CUX1: variants seen among roughly 807,000 people sequenced by gnomAD.
The protein encoded by CUX1 is cut like homeobox 1.
CUX1 carries 31 observed loss-of-function variants against 158.8 expected under a neutral mutation model. The ratio of observed to expected loss-of-function variants is 0.20; its 90% confidence interval spans 0.15 to 0.26. The LOEUF (loss-of-function observed/expected upper bound fraction) is 0.26. Ranked by LOEUF, CUX1 falls within the 10% of genes least tolerant of loss-of-function variation. The pLI is 1.00. For missense variants in CUX1, 1,589 were observed against 2,014.6 expected, an observed-to-expected ratio of 0.79 and a Z score of 4.04; for synonymous variants, 879 against 862.1, an observed-to-expected ratio of 1.02 and a Z score of -0.34.
At chr7:102,106,922 C>G (rs1395116822) in intron 6 of CUX1, among the ~76,000 whole-genome samples, 1 of 152,220 alleles carries the variant, frequency 6.6e-6, no homozygotes, top group South Asian at 2.1e-4. Flanking sequence ...TGCCATTAAG[C>G]TGACTTCATT....
intron 15 of CUX1, 122 bp downstream of exon 15, chr7:102,197,427 GTTCT>G: frequency 8.2e-7 from 1 of 1,219,758 alleles, no homozygotes; most frequent in Non-Finnish European, 1.2e-6. Context: ...ATCAGGTAAA[GTTCT>G]CTTTGCTTCT....
chr7:102,169,364 C>G (rs1220838736), intron 9 of CUX1, among the ~76,000 whole-genome samples: 1 of 152,208 alleles, frequency 6.6e-6, no homozygotes, highest in Non-Finnish European at 1.5e-5. Flanking sequence ...CCACCATGCC[C>G]AGCCTTTGGC....
intron 2 of CUX1, among the ~76,000 whole-genome samples, chr7:101,947,096 C>G (rs1808473608): frequency 6.6e-6 from 1 of 152,094 alleles, no homozygotes; most frequent in African/African-American, 2.4e-5. Flanking sequence ...TGAGTAACTT[C>G]ATTGTAAAAT....
rs1804168189 is a variant in CUX1, at chr7:101,916,116, G to C, written c.32G>C (p.Arg11Thr). The change falls in exon 2 of 24, where the codon AGA becomes ACA. Residue 11 changes from arginine to threonine, a missense_variant and splice_region_variant. Arg to Thr is a moderately conservative substitution (Grantham distance 71). Around this residue, in one of 8 missense-constraint regions of CUX1, gnomAD observed 63 missense variants for 109.2 expected, o/e 0.58. Transcript: ENST00000292535. The surrounding 1 kb of genome is among the most constrained non-coding windows in gnomAD (Gnocchi z 4.4). ...TTTCCTTTCCTGTTTCCCCAACAGA[G>C]AGAACTCGATGCCACCGCAACGGTA... MLCVAGARLK[R>T]ELDATATVLA... 1.2e-6 allele frequency: 2 copies of C among 1,609,720 alleles called. No individual in the cohort carries two copies. The highest frequency in any genetic ancestry group is 2.7e-5 in the African/African-American group (2 of 74,780).
intron 1 of CUX1, among the ~76,000 whole-genome samples, chr7:101,851,069 C>G (rs1796219415): frequency 6.6e-6 from 1 of 152,044 alleles, no homozygotes; most frequent in African/African-American, 2.4e-5. Flanking sequence ...TGACCACACC[C>G]CTGTACTCCA....
At chr7:102,041,268 T>TC (rs1822053418) in intron 3 of CUX1, among the ~76,000 whole-genome samples, 1 of 133,938 alleles carries the variant, frequency 7.5e-6, no homozygotes, top group Admixed American at 7.6e-5. Context: ...TTTTTTTTTT[T>TC]TTTTTTTTTT....
intron 8 of CUX1, chr7:102,125,678 A>C (rs1585795719): frequency 6.6e-6 from 1 of 150,406 alleles, no homozygotes; most frequent in African/African-American, 2.4e-5. Context: ...CTGGGTGACA[A>C]GAGCAAAACT....
At chr7:101,899,616 C>T (rs1265546839) in intron 1 of CUX1, among the ~76,000 whole-genome samples, 2 of 152,144 alleles carry the variant, frequency 1.3e-5, no homozygotes, top group South Asian at 2.1e-4. Context: ...AGAGAGATGT[C>T]CTTCCTGGGC....
At chr7:101,945,291 G>A (rs1218309141) in intron 2 of CUX1, among the ~76,000 whole-genome samples, 1 of 152,114 alleles carries the variant, frequency 6.6e-6, no homozygotes, top group Non-Finnish European at 1.5e-5. Context: ...CACCTCCACT[G>A]TCATTTAGAC....
At chr7:102,230,231 T>G (rs1798811432) in intron 21 of CUX1, among the ~76,000 whole-genome samples, 1 of 151,946 alleles carries the variant, frequency 6.6e-6, no homozygotes, top group Admixed American at 6.6e-5. Context: ...ACCCTAGCAC[T>G]TTGGGAGGCT....
At chr7:101,887,731 A>G (rs141356223) in intron 1 of CUX1, among the ~76,000 whole-genome samples, 109 of 152,246 alleles carry the variant, frequency 7.2e-4, no homozygotes, top group African/African-American at 2.6e-3. Context: ...ACCCACAGCT[A>G]AGTCAGTAAA....
At chr7:101,872,644 A>G (rs1409899869) in intron 1 of CUX1, among the ~76,000 whole-genome samples, 3 of 152,050 alleles carry the variant, frequency 2.0e-5, no homozygotes, top group Admixed American at 6.5e-5. Flanking sequence ...TATTACGAAA[A>G]AATAAAGCCA....
At chr7:101,957,114 T>C (rs1050085498) in intron 2 of CUX1, among the ~76,000 whole-genome samples, 4 of 152,214 alleles carry the variant, frequency 2.6e-5, no homozygotes, top group Non-Finnish European at 4.4e-5. Context: ...GTAACTGATA[T>C]TGTTTCCCAA....
At chr7:102,277,938 TCC>T in intron 17 of CUX1, 1 of 410,402 alleles carries the variant, frequency 2.4e-6, no homozygotes, top group Non-Finnish European at 3.7e-6. Flanking sequence ...TCCTTGCCCC[TCC>T]CCCCCCAGGA....
intron 16 of CUX1, chr7:102,275,101 C>T: frequency 1.6e-6 from 1 of 617,430 alleles, no homozygotes; most frequent in Non-Finnish European, 2.8e-6. Flanking sequence ...CCCCGACCTG[C>T]CCAGCACCAG....
chr7:102,251,819 G>A lies in CUX1; in HGVS notation c.*2777G>A, dbSNP rs1554540209. The A allele has an allele frequency of 1.0e-6, 1 of 985,240 alleles. No individual in the cohort carries two copies. The highest frequency in any genetic ancestry group is 1.1e-4 in the East Asian group (1 of 8,822). 61.0% of individuals were successfully genotyped at this position (985,240 alleles called of 1,614,324 possible). A position where few individuals can be genotyped will look rare whatever the true frequency, so the allele number is the denominator to read the frequency against. ...AGTTAACAGGAAATAGTAGGCTAGG[G>A]TTTAGTTTTAAAGGCATGACTGTTA... On this transcript the variant is annotated 3_prime_UTR_variant, in exon 24 of 24. Coordinates refer to ENST00000292535, the MANE Select transcript of CUX1 (RefSeq NM_181552.4).
At chr7:102,193,983 A>G (rs1794541100) in intron 13 of CUX1, 93 bp downstream of exon 13, 7 of 1,235,196 alleles carry the variant, frequency 5.7e-6, no homozygotes, top group African/African-American at 4.5e-5. Flanking sequence ...CACTGTTTCT[A>G]CGAGACCTCT....
At chr7:101,921,850 G>A (rs573833951) in intron 2 of CUX1, among the ~76,000 whole-genome samples, 48 of 152,254 alleles carry the variant, frequency 3.2e-4, no homozygotes, top group African/African-American at 1.1e-3. Context: ...AGACACAGTG[G>A]CTTACGCCTG....
At chr7:102,084,906 G>A (rs1585595292) in intron 4 of CUX1, among the ~76,000 whole-genome samples, 1 of 101,522 alleles carries the variant, frequency 9.9e-6, no homozygotes, top group Non-Finnish European at 1.8e-5. Flanking sequence ...TGTATAAAAT[G>A]TTGACTAGAA....
Sources: allele counts gnomAD v4.1 joint callset (sites outside exome capture counted in the v4.1 genomes callset), GRCh38; gene constraint gnomAD v4.1.1; regional missense constraint gnomAD v4.1.1; non-coding constraint Gnocchi (gnomAD v3.1); transcripts MANE v1.5; gene names NCBI Gene and HGNC (gene_info 2026-07-23, HGNC 2026-07-21).